Variants in ITGA5 observed in about 807,000 individuals in gnomAD.
ITGA5 encodes the protein integrin subunit alpha 5.
A neutral mutation model predicts 146.3 loss-of-function variants in ITGA5; 55 were observed. That is an observed-to-expected ratio of 0.38 (90% CI 0.30 to 0.47). The LOEUF (loss-of-function observed/expected upper bound fraction) is 0.47, where lower values mean the gene tolerates loss of function less well. ITGA5 is among the 20% of genes least tolerant of loss of function. ITGA5 has a pLI of 0.99. For missense variants in ITGA5, 1,131 were observed against 1,329.0 expected (o/e 0.85, Z 2.32); for synonymous variants, 500 against 531.8 (o/e 0.94, Z 0.82).
Position 54,401,067 on chromosome 12 carries a change from C to G in ITGA5, c.2494-72G>C. On this transcript the variant is annotated intron_variant, in intron 24 of 29. Transcript: ENST00000293379. The surrounding 1 kb of genome is among the most constrained non-coding windows in gnomAD (Gnocchi z 5.0). ...CTGCCCCATTGAGACCCTGGATCAC[C>G]ATGGCTCCACTATACCCTGCTGTCA... 1.4e-6 allele frequency: 2 copies of G among 1,449,694 alleles called. No individual in the cohort carries two copies. The highest frequency in any genetic ancestry group is 1.9e-6 in the Non-Finnish European group (2 of 1,052,374). 89.8% of individuals were successfully genotyped at this position (1,449,694 alleles called of 1,614,324 possible). A position where few individuals can be genotyped will look rare whatever the true frequency, so the allele number is the denominator to read the frequency against.
At chr12:54,410,753 G>C (rs975273123) in intron 2 of ITGA5, among the ~76,000 whole-genome samples, 1 of 149,552 alleles carries the variant, frequency 6.7e-6, no homozygotes, top group Non-Finnish European at 1.5e-5. Context: ...TTGAGACAGA[G>C]TCTTTCTCTG....
chr12:54,398,592 C>G lies in ITGA5; in HGVS notation c.2943+5G>C, dbSNP rs909831932. 6.2e-7 allele frequency: 1 copy of G among 1,607,272 alleles called. No homozygotes were observed. Among genetic ancestry groups the G allele is most frequent in the South Asian group, 1.1e-5 (1 of 90,370 alleles). On this transcript the variant is annotated splice_donor_5th_base_variant and intron_variant, in intron 28 of 29. Coordinates refer to ENST00000293379, the MANE Select transcript of ITGA5 (RefSeq NM_002205.5). Reference sequence around the variant, plus strand: ...CCTCATCCAGTCCTCTGGCCCTAGACTCACCTGACGCTCTTTTTGGGGCAG... The same window carrying G: ...CCTCATCCAGTCCTCTGGCCCTAGAGTCACCTGACGCTCTTTTTGGGGCAG...
chr12:54,409,407 C>A lies in ITGA5; in HGVS notation c.463-55G>T. 1 of 1,606,586 alleles carries A rather than the reference C, an allele frequency of 6.2e-7. No homozygotes were observed. The highest frequency in any genetic ancestry group is 8.5e-7 in the Non-Finnish European group (1 of 1,176,300). ...GATTCAGTCCAATAAGGCCCTTCCTCCCTCCCTCCAGGCCCGGCCTTACCC... is the reference window on the plus strand; with the variant it reads ...GATTCAGTCCAATAAGGCCCTTCCTACCTCCCTCCAGGCCCGGCCTTACCC... On this transcript the variant is annotated intron_variant, in intron 3 of 29. Transcript: ENST00000293379. This position sits in a 1 kb window ranked among gnomAD's most constrained non-coding sequence, Gnocchi z 4.7.
chr12:54,398,835 CTT>C (rs34443272), intron 27 of ITGA5, 137 bp from the exon 28 acceptor site: 11,866 of 213,582 alleles, frequency 0.056, no homozygotes, highest in Middle Eastern at 0.092. Context: ...CTCTCTCTCT[CTT>C]TTTTTTTTTT....
rs1955949707 is a variant in ITGA5, at chr12:54,411,935, G to C, written c.248C>G (p.Ala83Gly). ...CAGCACTCCTGGCTGGCTGGTATTA[G>C]CCTTGGGTGCTCCCACCAGCACACT... ...GVSVLVGAPK[A>G]NTSQPGVLQG... is the part of the protein sequence containing the mutation. The change falls in exon 2 of 30, where the codon GCT (alanine) becomes GGT (glycine). Residue 83 changes from alanine to glycine, a missense_variant. Physicochemically the swap from Ala to Gly is moderately conservative, Grantham distance 60. Around this residue, in one of 3 missense-constraint regions of ITGA5, gnomAD observed 175 missense variants for 179.3 expected, o/e 0.98. Transcript: ENST00000293379. 6.2e-7 allele frequency: 1 copy of C among 1,602,788 alleles called. No homozygotes were observed. Among genetic ancestry groups the C allele is most frequent in the Non-Finnish European group, 8.5e-7 (1 of 1,174,348 alleles).
rs35432227 is a variant in ITGA5, at chr12:54,416,546, C to CTTAAAGAAT, written c.218+2434_218+2435insATTCTTTAA. On this transcript the variant is annotated intron_variant, in intron 1 of 29. Transcript: ENST00000293379. The surrounding 1 kb of genome is among the most constrained non-coding windows in gnomAD (Gnocchi z 4.1). ...TCAAAGCAAGTAAGAAATGAGGGAA[C>CTTAAAGAAT]TAGGCGGTAGCCAGGAAGGAGAGAA... Among the ~76,000 whole-genome samples the CTTAAAGAAT allele has an allele frequency of 0.052, 7,958 of 152,274 alleles. 526 individuals are homozygous for CTTAAAGAAT. The highest frequency in any genetic ancestry group is 0.15 in the African/African-American group (6,206 of 41,512).
Position 54,401,041 on chromosome 12 carries a change from T to C in ITGA5, c.2494-46A>G, listed in dbSNP as rs781130594. 87 of 1,588,912 alleles carry C rather than the reference T, an allele frequency of 5.5e-5. No individual in the cohort carries two copies. The highest frequency in any genetic ancestry group is 4.2e-4 in the Middle Eastern group (2 of 4,766). On this transcript the variant is annotated intron_variant, in intron 24 of 29. Coordinates refer to ENST00000293379, the MANE Select transcript of ITGA5 (RefSeq NM_002205.5). This position sits in a 1 kb window ranked among gnomAD's most constrained non-coding sequence, Gnocchi z 5.0. Reference sequence around the variant, plus strand: ...TCATCATGAGAAGGAAGGGAATGCTTCTGCCCCATTGAGACCCTGGATCAC... The same window carrying C: ...TCATCATGAGAAGGAAGGGAATGCTCCTGCCCCATTGAGACCCTGGATCAC...
At chr12:54,399,551 C>T in intron 27 of ITGA5, 94 bp downstream of exon 27, 1 of 879,990 alleles carries the variant, frequency 1.1e-6, no homozygotes, top group Non-Finnish European at 1.9e-6. Context: ...TCCCATTCAC[C>T]AAAGGAGAGG....
chr12:54,408,013 G>C lies in ITGA5; in HGVS notation c.817+97C>G, dbSNP rs375753019. 7.7e-6 allele frequency: 12 copies of C among 1,548,640 alleles called. No homozygotes were observed. The African/African-American group carries it at 1.5e-4, about 19-fold the overall frequency. On this transcript the variant is annotated intron_variant, in intron 7 of 29. Transcript: ENST00000293379. Reference sequence around the variant, plus strand: ...CATGACAAGTATGGCAGGGGTGCTGGGGATGCCTGAGTAGGAGAGGGGAGG... The same window carrying C: ...CATGACAAGTATGGCAGGGGTGCTGCGGATGCCTGAGTAGGAGAGGGGAGG...
Position 54,419,024 on chromosome 12 carries a change from A to G in ITGA5, c.175T>C (p.Phe59Leu). 1 of 1,603,984 alleles carries G rather than the reference A, an allele frequency of 6.2e-7. No homozygotes were observed. The highest frequency in any genetic ancestry group is 1.3e-5 in the African/African-American group (1 of 74,246). ...PAVLSGPPGS[F>L]FGFSVEFYRP... is the part of the protein sequence containing the mutation. ...TAAAACTCCACTGAGAATCCGAAGA[A>G]GGAGCCCGGGGGCCCCGAGAGTACT... Residue 59 changes from phenylalanine (F) to leucine (L), a missense_variant, in exon 1 of 30, where the codon TTC (phenylalanine) becomes CTC (leucine). Coordinates refer to ENST00000293379, the MANE Select transcript of ITGA5 (RefSeq NM_002205.5).
In ITGA5 at chr12:54,411,877, AC is replaced by A; in HGVS notation, c.305del (p.Gly102ValfsTer68). ...TGGGGGTGCACTGTGTGGGGCTGGC[AC>A]CCCAAGGACAGAGGTAGACAGCACC... is the stretch of plus-strand genomic sequence containing the variant. ...QGGAVYLCPW[G>X]ASPTQCTPIE... On this transcript the variant is annotated frameshift_variant, in exon 2 of 30. Coordinates refer to ENST00000293379, the MANE Select transcript of ITGA5 (RefSeq NM_002205.5). LOFTEE classifies it high-confidence loss of function. 1 of 1,594,040 alleles carries A rather than the reference AC, an allele frequency of 6.3e-7. No homozygotes were observed. The highest frequency in any genetic ancestry group is 1.7e-5 in the Admixed American group (1 of 57,514).
In ITGA5 at chr12:54,396,388, G is replaced by T; in HGVS notation, c.3067-12C>A. On this transcript the variant is annotated splice_polypyrimidine_tract_variant and intron_variant, in intron 29 of 29. Coordinates refer to ENST00000293379, the MANE Select transcript of ITGA5 (RefSeq NM_002205.5). ...TTGAAGAATCCAAGCTGATAAAGGGGAAAAGAGGGAGAGTTTAGGTACTAT... is the reference window on the plus strand; with the variant it reads ...TTGAAGAATCCAAGCTGATAAAGGGTAAAAGAGGGAGAGTTTAGGTACTAT... The T allele has an allele frequency of 6.2e-7, 1 of 1,605,256 alleles. No individual in the cohort carries two copies. Among genetic ancestry groups the T allele is most frequent in the Non-Finnish European group, 8.5e-7 (1 of 1,172,022 alleles).
In ITGA5 at chr12:54,414,764, A is replaced by G. The variant is rs1342397432; in HGVS notation, c.219-2800T>C. ...AGGGAGGCTGAGGCAGGAGAATGGC[A>G]TGAACCTGGGAGGCGGAGCTTGCAG... On this transcript the variant is annotated intron_variant, in intron 1 of 29. Transcript: ENST00000293379. Among the ~76,000 whole-genome samples the G allele has an allele frequency of 4.7e-5, 7 of 148,530 alleles. 1 individual carries two copies. The highest frequency in any genetic ancestry group is 4.0e-4 in the Admixed American group (6 of 15,026).
In ITGA5 at chr12:54,396,384, A is replaced by C. The variant is rs1468742650; in HGVS notation, c.3067-8T>G. The C allele has an allele frequency of 6.2e-7, 1 of 1,605,888 alleles. No homozygotes were observed. Among genetic ancestry groups the C allele is most frequent in the East Asian group, 2.2e-5 (1 of 44,836 alleles). ...GCGTTTGAAGAATCCAAGCTGATAAAGGGGAAAAGAGGGAGAGTTTAGGTA... is the reference window on the plus strand; with the variant it reads ...GCGTTTGAAGAATCCAAGCTGATAACGGGGAAAAGAGGGAGAGTTTAGGTA... On this transcript the variant is annotated splice_polypyrimidine_tract_variant and splice_region_variant and intron_variant, in intron 29 of 29. Transcript: ENST00000293379.
Position 54,411,975 on chromosome 12 carries a change from GA to G in ITGA5, c.219-12del. The G allele has an allele frequency of 7.0e-6, 11 of 1,561,904 alleles. No homozygotes were observed. The highest frequency in any genetic ancestry group is 4.7e-5 in the East Asian group (2 of 42,454). On this transcript the variant is annotated splice_polypyrimidine_tract_variant and intron_variant, in intron 1 of 29. Coordinates refer to ENST00000293379, the MANE Select transcript of ITGA5 (RefSeq NM_002205.5). ...ACCAGCACACTGACCCTGTGGGGGG[GA>G]AAAGCGAGGCAGTTGAGGATGGCTC... is the stretch of plus-strand genomic sequence containing the variant.
chr12:54,409,421 C>A lies in ITGA5; in HGVS notation c.462+64G>T. On this transcript the variant is annotated intron_variant, in intron 3 of 29. Coordinates refer to ENST00000293379, the MANE Select transcript of ITGA5 (RefSeq NM_002205.5). This position sits in a 1 kb window ranked among gnomAD's most constrained non-coding sequence, Gnocchi z 4.7. ...AGGCCCTTCCTCCCTCCCTCCAGGC[C>A]CGGCCTTACCCAACCACTGCCCATC... The A allele has an allele frequency of 6.2e-7, 1 of 1,609,650 alleles. No individual in the cohort carries two copies.
rs1956007211 is a variant in ITGA5, at chr12:54,416,247, T to C, written c.218+2734A>G. Among the ~76,000 whole-genome samples, 1 of 152,194 alleles carries C rather than the reference T, an allele frequency of 6.6e-6. No individual in the cohort carries two copies. Among genetic ancestry groups the C allele is most frequent in the Admixed American group, 6.5e-5 (1 of 15,290 alleles). ...AGCACGCTCGGCTAATTTTTTTATT[T>C]TTAGTAGAGATGGGGTTTCACCATG... On this transcript the variant is annotated intron_variant, in intron 1 of 29. Coordinates refer to ENST00000293379, the MANE Select transcript of ITGA5 (RefSeq NM_002205.5). This position sits in a 1 kb window ranked among gnomAD's most constrained non-coding sequence, Gnocchi z 4.1.
chr12:54,399,528 C>A, intron 27 of ITGA5, 117 bp downstream of exon 27: 1 of 727,644 alleles, frequency 1.4e-6, no homozygotes, highest in South Asian at 1.6e-5. Context: ...GGAAGGGGAG[C>A]TGGAGTGCTG....
intron 27 of ITGA5, 42 bp downstream of exon 27, chr12:54,399,600 CAGG>C: frequency 1.4e-6 from 2 of 1,421,844 alleles, no homozygotes; most frequent in Non-Finnish European, 2.0e-6. Flanking sequence ...TCAGTCTAAG[CAGG>C]CCCAAAGGTC....
Sources: allele counts gnomAD v4.1 joint callset (sites outside exome capture counted in the v4.1 genomes callset), GRCh38; gene constraint gnomAD v4.1.1; regional missense constraint gnomAD v4.1.1; non-coding constraint Gnocchi (gnomAD v3.1); transcripts MANE v1.5; gene names NCBI Gene and HGNC (gene_info 2026-07-23, HGNC 2026-07-21).